The following PCDHA3 variants were observed in gnomAD, a reference collection of about 807,000 sequenced individuals.
PCDHA3 encodes protocadherin alpha 3.
PCDHA3 carries 41 observed loss-of-function variants against 62.2 expected under a neutral mutation model. That is an observed-to-expected ratio of 0.66 (90% CI 0.51 to 0.86). The LOEUF (loss-of-function observed/expected upper bound fraction) is 0.86, where lower values mean the gene tolerates loss of function less well. Among genes scored for constraint, PCDHA3 ranks in the 40% least tolerant of loss-of-function variants. PCDHA3 has a pLI of 0.00. For missense variants in PCDHA3, 1,304 were observed against 1,241.2 expected (o/e 1.05, Z -0.76); for synonymous variants, 640 against 555.4 (o/e 1.15, Z -2.14).
chr5:140,870,589 C>A (rs1445004841), intron 1 of PCDHA3: 30 of 1,613,510 alleles, frequency 1.9e-5, no homozygotes, highest in Non-Finnish European at 2.5e-5. Context: ...GCTGGTGGAG[C>A]GGCGGTTGGG....
At chr5:140,858,424 C>T in intron 1 of PCDHA3, 3 of 1,553,410 alleles carry the variant, frequency 1.9e-6, no homozygotes, top group Non-Finnish European at 2.6e-6. Context: ...TTGGAGGGGA[C>T]CACTCTAGGA....
intron 1 of PCDHA3, chr5:140,859,356 A>C (rs1159666697): frequency 7.9e-6 from 2 of 251,624 alleles, no homozygotes; most frequent in Admixed American, 9.1e-5. Flanking sequence ...TACTGATCTG[A>C]TATATTGTAT....
chr5:140,989,509 T>G (rs1554250840), intron 3 of PCDHA3, among the ~76,000 whole-genome samples: 1 of 152,196 alleles, frequency 6.6e-6, no homozygotes, highest in African/African-American at 2.4e-5. Context: ...GCTTATAACC[T>G]GAGTTGAGGG....
intron 3 of PCDHA3, among the ~76,000 whole-genome samples, chr5:140,995,476 A>G (rs2097685199): frequency 6.6e-6 from 1 of 152,210 alleles, no homozygotes; most frequent in Non-Finnish European, 1.5e-5. Flanking sequence ...TTTTTCATTT[A>G]ATATTTTCAG....
intron 1 of PCDHA3, among the ~76,000 whole-genome samples, chr5:140,886,331 G>A (rs910332577): frequency 6.6e-6 from 1 of 151,936 alleles, no homozygotes; most frequent in Admixed American, 6.6e-5. Flanking sequence ...TGGGATACAT[G>A]TGCAGAACGT....
At chr5:140,873,301 A>G (rs1463024301) in intron 1 of PCDHA3, among the ~76,000 whole-genome samples, 1 of 152,238 alleles carries the variant, frequency 6.6e-6, no homozygotes, top group Non-Finnish European at 1.5e-5. Flanking sequence ...TTATAAATAT[A>G]ATAAAGGTGA....
intron 1 of PCDHA3, among the ~76,000 whole-genome samples, chr5:140,897,980 A>C (rs1313292712): frequency 6.6e-6 from 1 of 152,206 alleles, no homozygotes. Context: ...GGCTGCATAA[A>C]TGTCTTCTTT....
chr5:140,933,276 G>T (rs1392004837), intron 1 of PCDHA3, among the ~76,000 whole-genome samples: 2 of 151,892 alleles, frequency 1.3e-5, no homozygotes, highest in Non-Finnish European at 2.9e-5. Context: ...TATTCATTTG[G>T]AACTTGTTTT....
At chr5:140,809,362 G>A in intron 1 of PCDHA3, 1 of 1,614,020 alleles carries the variant, frequency 6.2e-7, no homozygotes, top group Non-Finnish European at 8.5e-7. Context: ...GGTGCTCTGC[G>A]CTGCCCACCG....
In PCDHA3 at chr5:140,822,136, G is replaced by A. The variant is rs143698188; in HGVS notation, c.2394+18545G>A. ...GCTGCAGGTTTTCCATGTGGAGGTGGCAGTGAAGGACATCAATGACAATCC... is the reference window on the plus strand; with the variant it reads ...GCTGCAGGTTTTCCATGTGGAGGTGACAGTGAAGGACATCAATGACAATCC... On this transcript the variant is annotated intron_variant, in intron 1 of 3. Coordinates refer to ENST00000522353, the MANE Select transcript of PCDHA3 (RefSeq NM_018906.3). The A allele has an allele frequency of 3.1e-5, 50 of 1,614,138 alleles. No homozygotes were observed. In the African/African-American group the frequency reaches 6.0e-4, roughly 19 times the overall value.
At chr5:140,882,839 T>C (rs1554175751) in intron 1 of PCDHA3, 1 of 1,614,218 alleles carries the variant, frequency 6.2e-7, no homozygotes, top group South Asian at 1.1e-5. Flanking sequence ...GCAAATGTCT[T>C]CATTATCACT....
At chr5:140,803,612 C>T (rs577997860) in intron 1 of PCDHA3, 21 bp downstream of exon 1, 2 of 1,614,002 alleles carry the variant, frequency 1.2e-6, no homozygotes, top group East Asian at 2.2e-5. Context: ...TTTATTTATT[C>T]TTTCCAAAAT....
At chr5:140,936,552 T>C (rs1408956922) in intron 1 of PCDHA3, among the ~76,000 whole-genome samples, 5 of 152,234 alleles carry the variant, frequency 3.3e-5, no homozygotes, top group Admixed American at 3.3e-4. Flanking sequence ...AATGTAGAAG[T>C]CAAGATTTAT....
rs1274160852 is a variant in PCDHA3, at chr5:140,922,009, TA to T, written c.2395-56933del. On this transcript the variant is annotated intron_variant, in intron 1 of 3. Coordinates refer to ENST00000522353, the MANE Select transcript of PCDHA3 (RefSeq NM_018906.3). ...AAAGAGTTCAATGAAATGATTAGTTTAAAAAAATAAATATAAAAAATGTAAT... is the reference window on the plus strand; with the variant it reads ...AAAGAGTTCAATGAAATGATTAGTTTAAAAAATAAATATAAAAAATGTAAT... 1.3e-5 allele frequency among the ~76,000 whole-genome samples: 2 copies of T among 152,076 alleles called. 1 individual carries two copies. The highest frequency in any genetic ancestry group is 4.8e-5 in the African/African-American group (2 of 41,508).
rs782782390 is a variant in PCDHA3 at position 140,856,337 on chromosome 5, C to T, written c.2394+52746C>T. 2.5e-6 allele frequency: 4 copies of T among 1,598,496 alleles called. 1 individual carries two copies. The Admixed American group carries it at 5.1e-5, about 20-fold the overall frequency. On this transcript the variant is annotated intron_variant, in intron 1 of 3. Transcript: ENST00000522353. ...GATTGACCGCGAGGAGCTGTGCGGG[C>T]GGAGCGTGGAGTGCAGCATCCACCT...
intron 1 of PCDHA3, among the ~76,000 whole-genome samples, chr5:140,960,837 G>A (rs1554225051): frequency 6.6e-6 from 1 of 151,456 alleles, no homozygotes; most frequent in African/African-American, 2.5e-5. Flanking sequence ...ACTTGGAACA[G>A]GTTTAATGGC....
chr5:140,835,608 C>T (rs1554135105), intron 1 of PCDHA3: 3 of 1,613,898 alleles, frequency 1.9e-6, no homozygotes, highest in East Asian at 2.2e-5. Flanking sequence ...TTCATTGGTG[C>T]TGGACAGCGC....
In PCDHA3 at chr5:140,830,011, G is replaced by T. The variant is rs2150179426; in HGVS notation, c.2394+26420G>T. On this transcript the variant is annotated intron_variant, in intron 1 of 3. Coordinates refer to ENST00000522353, the MANE Select transcript of PCDHA3 (RefSeq NM_018906.3). ...GCACCACTCGTGTCCTGGACGAAGC[G>T]GACTCTCCGCGCCACCGGCTGCTGG... The T allele has an allele frequency of 1.1e-5, 17 of 1,613,912 alleles. No individual in the cohort carries two copies. In the East Asian group the frequency reaches 3.6e-4, roughly 34 times the overall value.
At position 140,869,590 on chromosome 5, in the gene PCDHA3, G is replaced by A. The variant is rs372301742; in HGVS notation, c.2394+65999G>A. 61 of 1,613,984 alleles carry A rather than the reference G, an allele frequency of 3.8e-5. No individual in the cohort carries two copies. The highest frequency in any genetic ancestry group is 4.9e-5 in the Non-Finnish European group (58 of 1,180,038). ...AGAGGGAGCTTCTGATGCTGACATT[G>A]AAGAGAATGCTCTATTGACCTACAG... On this transcript the variant is annotated intron_variant, in intron 1 of 3. Coordinates refer to ENST00000522353, the MANE Select transcript of PCDHA3 (RefSeq NM_018906.3).
Sources: allele counts gnomAD v4.1 joint callset (sites outside exome capture counted in the v4.1 genomes callset), GRCh38; gene constraint gnomAD v4.1.1; transcripts MANE v1.5; gene names NCBI Gene and HGNC (gene_info 2026-07-23, HGNC 2026-07-21).